The following SLC15A5 variants were observed in gnomAD, a reference collection of about 807,000 sequenced individuals.
SLC15A5 encodes solute carrier family 15 member 5, also known as Peptide/histidine transporter ENSP00000340402.
A neutral mutation model predicts 56.1 loss-of-function variants in SLC15A5; 58 were observed. The observed-to-expected ratio is 1.03, with a 90% CI of 0.84 to 1.29. The LOEUF (loss-of-function observed/expected upper bound fraction) is 1.29, where lower values mean the gene tolerates loss of function less well. Among genes scored for constraint, SLC15A5 ranks in the 50% most tolerant of loss-of-function variants. SLC15A5 has a pLI of 0.00. For synonymous variants in SLC15A5, 264 were observed against 250.5 expected (o/e 1.05, Z -0.51); for missense variants, 681 against 672.1 (o/e 1.01, Z -0.15).
In SLC15A5 at chr12:16,244,638, A is replaced by G. The variant is rs1413510332; in HGVS notation, c.917T>C (p.Phe306Ser). 12 of 1,537,530 alleles carry G rather than the reference A, an allele frequency of 7.8e-6. No individual in the cohort carries two copies. Among genetic ancestry groups the G allele is most frequent in the Non-Finnish European group, 8.7e-6 (10 of 1,147,032 alleles). ...AATGAAGAGAGGGAGAAGGGTGAGG[A>G]AAAATGTTGTGTCTTCTACATGGAG... ...SELHVEDTTFFLTLLPLFIFQ... is the reference protein window; with the variant it reads ...SELHVEDTTFSLTLLPLFIFQ... Residue 306 changes from phenylalanine to serine, a missense_variant, in exon 4 of 9, where the codon TTC becomes TCC. By Grantham distance (155) the Phe-to-Ser change is radical (BLOSUM62 -2). Transcript: ENST00000344941.
intron 5 of SLC15A5, among the ~76,000 whole-genome samples, chr12:16,230,456 T>C (rs1251779831): frequency 6.6e-6 from 1 of 152,104 alleles, no homozygotes; most frequent in Non-Finnish European, 1.5e-5. Context: ...TCCCAGACAA[T>C]AGAAGCACAA....
chr12:16,244,715 C>A lies in SLC15A5; in HGVS notation c.840G>T (p.Val280=). 6.5e-7 allele frequency: 1 copy of A among 1,537,564 alleles called. No individual in the cohort carries two copies. Among genetic ancestry groups the A allele is most frequent in the South Asian group, 1.2e-5 (1 of 84,040 alleles). Residue 280 remains valine (V), a synonymous_variant, in exon 4 of 9, where the codon GTG becomes GTT. Transcript: ENST00000344941. ...CTTTGGCATGGTCTAACTGGCTTGT[C>A]ACGTCTCTGCCAAGATGGCAGTATT... The part of the protein sequence containing the change: ...HPQYCHLGRD[V]TSQLDHAKEK...
intron 5 of SLC15A5, among the ~76,000 whole-genome samples, chr12:16,231,654 T>A (rs1045230653): frequency 6.6e-6 from 1 of 152,194 alleles, no homozygotes; most frequent in Admixed American, 6.5e-5. Context: ...TGAAACAAGG[T>A]GAGTATGTGT....
intron 2 of SLC15A5, among the ~76,000 whole-genome samples, chr12:16,259,033 T>C (rs1864612049): frequency 2.7e-5 from 1 of 37,082 alleles, no homozygotes; most frequent in African/African-American, 1.2e-4. Context: ...CCTTTTTTTT[T>C]TTTTTTTTTT....
chr12:16,204,347 G>A (rs1417799337), intron 7 of SLC15A5, among the ~76,000 whole-genome samples: 1 of 151,216 alleles, frequency 6.6e-6, no homozygotes, highest in Non-Finnish European at 1.5e-5. Flanking sequence ...ATCCCAGCTA[G>A]TTGGGAGGCT....
intron 1 of SLC15A5, among the ~76,000 whole-genome samples, chr12:16,274,711 C>A (rs1325343848): frequency 1.3e-5 from 2 of 152,004 alleles, no homozygotes; most frequent in Non-Finnish European, 2.9e-5. Context: ...TGAGGCCTGG[C>A]TAGACAAAGG....
intron 1 of SLC15A5, among the ~76,000 whole-genome samples, chr12:16,275,223 A>T (rs1591664763): frequency 1.3e-5 from 2 of 152,094 alleles, no homozygotes; most frequent in African/African-American, 4.8e-5. Flanking sequence ...CCAATCATGG[A>T]TAAGGGATGG....
intron 7 of SLC15A5, among the ~76,000 whole-genome samples, chr12:16,201,268 A>G (rs1391895893): frequency 6.6e-6 from 1 of 152,156 alleles, no homozygotes; most frequent in Non-Finnish European, 1.5e-5. Flanking sequence ...GGAACCACAA[A>G]ACACTACAAA....
intron 7 of SLC15A5, among the ~76,000 whole-genome samples, chr12:16,195,203 A>ATCTCTG (rs771115672): frequency 5.9e-5 from 9 of 151,800 alleles, no homozygotes; most frequent in Non-Finnish European, 1.3e-4. Flanking sequence ...CTCTATCTCT[A>ATCTCTG]TCTCTGTCTC....
intron 3 of SLC15A5, among the ~76,000 whole-genome samples, chr12:16,246,870 G>C (rs1864466920): frequency 6.6e-6 from 1 of 152,022 alleles, no homozygotes; most frequent in Admixed American, 6.6e-5. Flanking sequence ...ATGAGAGGTA[G>C]TGGTAGTTCA....
intron 7 of SLC15A5, among the ~76,000 whole-genome samples, chr12:16,209,290 A>G (rs140197645): frequency 1.6e-3 from 248 of 152,146 alleles, no homozygotes; most frequent in African/African-American, 5.3e-3. Context: ...ATATGTGTGT[A>G]TATATACATA....
chr12:16,245,192 A>T (rs187242215), intron 3 of SLC15A5, among the ~76,000 whole-genome samples: 114 of 152,328 alleles, frequency 7.5e-4, no homozygotes, highest in Admixed American at 7.3e-3. Flanking sequence ...CTATTTTTTC[A>T]TATAAATTAT....
rs1238897124 is a variant in SLC15A5 at position 16,224,468 on chromosome 12, G to C, written c.1297C>G (p.Leu433Val). The C allele has an allele frequency of 6.5e-7, 1 of 1,537,272 alleles. No individual in the cohort carries two copies. Among genetic ancestry groups the C allele is most frequent in the Non-Finnish European group, 8.7e-7 (1 of 1,146,908 alleles). ...CCAAGTAAAACATACTGAAGAATCA[G>C]GTAGAAACAGGGCATGGAGGAAACA... The part of the protein sequence containing the change: ...LTVSSMPCFY[L>V]ILQYVLLGVA... The change falls in exon 6 of 9, where the codon CTG becomes GTG. Residue 433 changes from leucine (L) to valine (V), a missense_variant. By Grantham distance (32) the Leu-to-Val change is conservative. Transcript: ENST00000344941.
intron 7 of SLC15A5, among the ~76,000 whole-genome samples, chr12:16,198,155 G>T (rs1863914325): frequency 6.6e-6 from 1 of 152,158 alleles, no homozygotes; most frequent in African/African-American, 2.4e-5. Context: ...TGCTGAAGTA[G>T]TAAAGGACTC....
At chr12:16,259,769 G>A (rs568164167) in intron 2 of SLC15A5, among the ~76,000 whole-genome samples, 43 of 152,154 alleles carry the variant, frequency 2.8e-4, no homozygotes, top group Non-Finnish European at 5.4e-4. Context: ...GTAAGCTGGG[G>A]GGATGGGGAG....
chr12:16,270,831 A>C (rs1345476514), intron 2 of SLC15A5, among the ~76,000 whole-genome samples: 1 of 152,204 alleles, frequency 6.6e-6, no homozygotes, highest in African/African-American at 2.4e-5. Flanking sequence ...TATAAACTGC[A>C]GTAAGGTAAG....
Position 16,265,011 on chromosome 12 carries a change from T to G in SLC15A5, c.585-7141A>C, listed in dbSNP as rs1388079945. ...AACCAGGAAGTGTGGTCCAGGTTAT[T>G]TAGGGCCTTGAAGTTCATGGCAAGA... On this transcript the variant is annotated intron_variant, in intron 2 of 8. Coordinates refer to ENST00000344941, the MANE Select transcript of SLC15A5 (RefSeq NM_001170798.1). Among the ~76,000 whole-genome samples, 3 of 152,192 alleles carry G rather than the reference T, an allele frequency of 2.0e-5. No individual in the cohort carries two copies. The East Asian group carries it at 5.8e-4, about 29-fold the overall frequency.
At chr12:16,190,939 A>G (rs1280387647) in intron 8 of SLC15A5, among the ~76,000 whole-genome samples, 3 of 152,142 alleles carry the variant, frequency 2.0e-5, no homozygotes. Flanking sequence ...AGTTATAAAA[A>G]CAAACACTCT....
chr12:16,201,627 G>GGA (rs1384315398), intron 7 of SLC15A5, among the ~76,000 whole-genome samples: 14 of 152,088 alleles, frequency 9.2e-5, no homozygotes, highest in Non-Finnish European at 2.9e-5. Context: ...TGAGTTATCA[G>GGA]GAGATCTGAT....
Sources: allele counts gnomAD v4.1 joint callset (sites outside exome capture counted in the v4.1 genomes callset), GRCh38; gene constraint gnomAD v4.1.1; transcripts MANE v1.5; gene names NCBI Gene and HGNC (gene_info 2026-07-23, HGNC 2026-07-21).